The following ING3 variants were observed in gnomAD, a reference collection of about 807,000 sequenced individuals.
ING3 encodes inhibitor of growth family member 3.
A neutral mutation model predicts 64.8 loss-of-function variants in ING3; 6 were observed. The ratio of observed to expected loss-of-function variants is 0.09; its 90% CI spans 0.05 to 0.18. ING3 has a LOEUF of 0.18. ING3 is among the 10% of genes least tolerant of loss of function. ING3 has a pLI of 1.00. For synonymous variants in ING3, 170 were observed against 173.7 expected (o/e 0.98, Z 0.17); for missense variants, 310 against 489.7 (o/e 0.63, Z 3.46).
chr7:120,956,133 A>C (rs763055930), intron 4 of ING3: 18 of 1,524,282 alleles, frequency 1.2e-5, no homozygotes, highest in Middle Eastern at 1.7e-4. Flanking sequence ...AAGATGACAA[A>C]CTTTAAACAA....
At chr7:120,964,612 G>C in intron 4 of ING3, 130 bp from the exon 5 acceptor site, 3 of 650,454 alleles carry the variant, frequency 4.6e-6, no homozygotes, top group Non-Finnish European at 8.2e-6. Context: ...CTGAGGCATA[G>C]ATTAATTGAC....
In ING3 at chr7:120,967,533, G is replaced by C; in HGVS notation, c.441G>C (p.Arg147Ser). Reference protein sequence around the residue: ...HAHSHTPVEKRKYNPTSHHTT... With the variant: ...HAHSHTPVEKSKYNPTSHHTT... Reference sequence around the variant, plus strand: ...GAATTTTTTATTTATATTTAGAAAGGAAATATAATCCAACTTCTCACCATA... The same window carrying C: ...GAATTTTTTATTTATATTTAGAAAGCAAATATAATCCAACTTCTCACCATA... Residue 147 changes from arginine to serine, a missense_variant, in exon 7 of 12, where the codon AGG becomes AGC. Physicochemically the swap from Arg to Ser is moderately radical, Grantham distance 110. Around this residue, in one of 3 missense-constraint regions of ING3, gnomAD observed 233 missense variants for 289.4 expected, o/e 0.81. Coordinates refer to ENST00000315870, the MANE Select transcript of ING3 (RefSeq NM_019071.3). 1 of 1,535,434 alleles carries C rather than the reference G, an allele frequency of 6.5e-7. No individual in the cohort carries two copies. The highest frequency in any genetic ancestry group is 8.9e-7 in the Non-Finnish European group (1 of 1,127,826).
At chr7:120,973,163 G>T (rs1406975521) in intron 10 of ING3, 42 bp from the exon 11 acceptor site, 1 of 1,133,848 alleles carries the variant, frequency 8.8e-7, no homozygotes, top group African/African-American at 1.5e-5. Context: ...CTAGGTGTTT[G>T]TTACATAGTC....
chr7:120,957,044 A>G lies in ING3; in HGVS notation c.267+1420A>G, dbSNP rs894606837. 85 of 237,596 alleles carry G rather than the reference A, an allele frequency of 3.6e-4. 1 individual carries two copies. The highest frequency in any genetic ancestry group is 1.8e-3 in the African/African-American group (79 of 43,198). The allele number at this position is 237,596 out of a possible 1,614,324, so 14.7% of individuals were successfully genotyped here. On this transcript the variant is annotated intron_variant, in intron 4 of 11. Transcript: ENST00000315870. The stretch of plus-strand genomic sequence containing the variant: ...GTTCATCCACTCTGTGCCTGAAAAA[A>G]GGGAGCTGTACCTGGGTCTAATGGA...
intron 3 of ING3, among the ~76,000 whole-genome samples, 195 bp downstream of exon 3, chr7:120,953,599 TA>T (rs764646729): frequency 1.3e-5 from 2 of 152,218 alleles, no homozygotes; most frequent in Non-Finnish European, 2.9e-5. Context: ...TAATTAAAAA[TA>T]TTGTTTCAAT....
intron 4 of ING3, among the ~76,000 whole-genome samples, chr7:120,958,489 G>A (rs1795884144): frequency 6.6e-6 from 1 of 152,008 alleles, no homozygotes; most frequent in African/African-American, 2.4e-5. Flanking sequence ...CACTTCAGTC[G>A]CCACAGACTG....
In ING3 at chr7:120,974,664, T is replaced by G. The variant is rs1038771867; in HGVS notation, c.1141-64T>G. The G allele has an allele frequency of 3.4e-6, 3 of 886,402 alleles. No individual in the cohort carries two copies. The African/African-American group carries it at 5.0e-5, about 15-fold the overall frequency. The allele number at this position is 886,402 out of a possible 1,614,324, so 54.9% of individuals were successfully genotyped here. A position where few individuals can be genotyped will look rare whatever the true frequency, so the allele number is the denominator to read the frequency against. On this transcript the variant is annotated intron_variant, in intron 11 of 11. Coordinates refer to ENST00000315870, the MANE Select transcript of ING3 (RefSeq NM_019071.3). ...TGGATTATTCAGTCTCCTGAGCATA[T>G]TTTAATATACTCTCTTGTCTTCAGA...
chr7:120,954,168 A>G (rs774825949), intron 3 of ING3, among the ~76,000 whole-genome samples: 2 of 152,144 alleles, frequency 1.3e-5, no homozygotes, highest in South Asian at 4.1e-4. Context: ...GCTCACACCC[A>G]TAATCCTAGC....
At chr7:120,967,063 GC>G (rs1436126894) in intron 6 of ING3, among the ~76,000 whole-genome samples, 8 of 152,158 alleles carry the variant, frequency 5.3e-5, no homozygotes, top group African/African-American at 1.9e-4. Context: ...TTTCATCCTT[GC>G]TTCTCCAGTG....
intron 10 of ING3, among the ~76,000 whole-genome samples, chr7:120,971,917 A>G (rs1314867105): frequency 6.6e-6 from 1 of 151,978 alleles, no homozygotes; most frequent in East Asian, 1.9e-4. Context: ...ACTGGATATT[A>G]TTTTCTTTTA....
In ING3 at chr7:120,957,202, T is replaced by TCTA. The variant is rs3216951; in HGVS notation, c.267+1582_267+1584dup. 4.5e-3 allele frequency among the ~76,000 whole-genome samples: 687 copies of TCTA among 152,096 alleles called. 17 individuals carry two copies. The highest frequency in any genetic ancestry group is 0.033 in the East Asian group (168 of 5,162). On this transcript the variant is annotated intron_variant, in intron 4 of 11. Coordinates refer to ENST00000315870, the MANE Select transcript of ING3 (RefSeq NM_019071.3). ...CTGGCTAACATGGTGAAACCCCATC[T>TCTA]CTACTAAAAATACAAAAATATTAGC... is the stretch of plus-strand genomic sequence containing the variant.
At chr7:120,956,582 A>G (rs1360197925) in intron 4 of ING3, 2 of 991,312 alleles carry the variant, frequency 2.0e-6, no homozygotes, top group Non-Finnish European at 2.4e-6. Context: ...GGTGCTAACA[A>G]CCTGGGCTCT....
At chr7:120,956,975 AAT>A (rs1288982537) in intron 4 of ING3, 1 of 397,864 alleles carries the variant, frequency 2.5e-6, no homozygotes, top group African/African-American at 2.2e-5. Flanking sequence ...ATGCTTTTTA[AAT>A]ATGTGTGTGT....
At chr7:120,962,954 CATTCTTCAT>C (rs1489339587) in intron 4 of ING3, among the ~76,000 whole-genome samples, 1 of 152,052 alleles carries the variant, frequency 6.6e-6, no homozygotes, top group Non-Finnish European at 1.5e-5. Context: ...GATTCTCTTC[CATTCTTCAT>C]ATATCCTCCA....
intron 10 of ING3, among the ~76,000 whole-genome samples, chr7:120,971,988 T>G (rs1230557945): frequency 1.3e-5 from 2 of 152,144 alleles, no homozygotes; most frequent in Non-Finnish European, 2.9e-5. Flanking sequence ...CTAGTATTAT[T>G]GAAGTTGGAC....
At chr7:120,970,281 C>T (rs1219010983) in intron 9 of ING3, among the ~76,000 whole-genome samples, 6 of 151,932 alleles carry the variant, frequency 3.9e-5, no homozygotes, top group Non-Finnish European at 5.9e-5. Context: ...CTGGCTAACA[C>T]GATGAAACCC....
intron 5 of ING3, among the ~76,000 whole-genome samples, chr7:120,965,599 AC>A (rs1397357049): frequency 6.6e-6 from 1 of 151,972 alleles, no homozygotes; most frequent in African/African-American, 2.4e-5. Context: ...AAACTTACAA[AC>A]CTTCTTTTTC....
chr7:120,956,205 T>TC (rs771726945), intron 4 of ING3: 1 of 1,606,230 alleles, frequency 6.2e-7, no homozygotes, highest in Non-Finnish European at 8.5e-7. Context: ...AGATAGAATA[T>TC]TCACTATTTC....
intron 9 of ING3, 93 bp from the exon 10 acceptor site, chr7:120,970,595 T>C (rs1471258265): frequency 2.4e-6 from 3 of 1,258,460 alleles, no homozygotes; most frequent in African/African-American, 1.5e-5. Context: ...ATTTATACAT[T>C]TGATGTCATT....
Sources: gnomAD v4.1 joint callset for allele counts (sites outside exome capture counted in the v4.1 genomes callset) on GRCh38, gnomAD v4.1.1 for gene constraint, gnomAD v4.1.1 regional missense constraint, MANE v1.5 for transcripts, NCBI Gene and HGNC (gene_info 2026-07-23, HGNC 2026-07-21) for gene names.